The following SLAMF9 variants were observed in gnomAD, a reference collection of about 807,000 sequenced individuals.
SLAMF9 encodes SLAM family member 9.
Under a neutral mutation model 30.4 loss-of-function variants are expected in SLAMF9, and 25 were observed. The observed-to-expected ratio is 0.82, with a 90% CI of 0.60 to 1.15. The LOEUF (loss-of-function observed/expected upper bound fraction) is 1.15. SLAMF9 is among the 50% of genes most tolerant of loss of function. The pLI is 0.00. For synonymous variants in SLAMF9, 129 were observed against 127.2 expected, an observed-to-expected ratio of 1.01 and a Z score of -0.09; for missense variants, 344 against 346.1, an observed-to-expected ratio of 0.99 and a Z score of 0.05.
upstream of SLAMF9, chr1:159,954,291 C>G: frequency 1.5e-6 from 1 of 685,928 alleles, no homozygotes; most frequent in Non-Finnish European, 2.4e-6. Flanking sequence ...CCTCTGACGT[C>G]CTCTGTCCTC....
rs1557943354 is a variant in SLAMF9, at chr1:159,953,628, C to G, written c.72G>C (p.Trp24Cys). 5 of 1,608,670 alleles carry G rather than the reference C, an allele frequency of 3.1e-6. No homozygotes were observed. Among genetic ancestry groups the G allele is most frequent in the Non-Finnish European group, 4.3e-6 (5 of 1,175,924 alleles). ...QEGSQRRLWR[W>C]CGSEEVVAVL... ...CCGCAACCACTTCCTCGGATCCACA[C>G]CATCTCCAGAGTCTCCTTTGGCTGC... The change falls in exon 2 of 4, where the codon TGG (tryptophan) becomes TGC (cysteine). Residue 24 changes from tryptophan to cysteine, a missense_variant. Transcript: ENST00000368093.
chr1:159,972,063 G>T, the SLAMF9 span, among the ~76,000 whole-genome samples: 2 of 152,146 alleles, frequency 1.3e-5, no homozygotes, highest in Admixed American at 1.3e-4. Flanking sequence ...GACAACCCTG[G>T]GGGGAGGGTG....
the SLAMF9 span, among the ~76,000 whole-genome samples, chr1:159,969,064 G>A: frequency 6.6e-6 from 1 of 151,912 alleles, no homozygotes; most frequent in African/African-American, 2.4e-5. Flanking sequence ...AAGAAGAAGA[G>A]GTAGGGAAGA....
At chr1:159,960,333 A>G in the SLAMF9 span, among the ~76,000 whole-genome samples, 1 of 151,648 alleles carries the variant, frequency 6.6e-6, no homozygotes, top group Non-Finnish European at 1.5e-5. Context: ...TGTCCCTACA[A>G]AGGACATAAA....
At chr1:159,973,920 T>C in the SLAMF9 span, 3 of 1,612,538 alleles carry the variant, frequency 1.9e-6, no homozygotes, top group South Asian at 2.2e-5. Flanking sequence ...GGACAGAGTC[T>C]GGTTTTCCTT....
the SLAMF9 span, chr1:159,972,947 T>C: frequency 9.3e-7 from 1 of 1,070,268 alleles, no homozygotes; most frequent in Non-Finnish European, 1.3e-6. Flanking sequence ...GGGGTCCCAC[T>C]GCATGATGCC....
chr1:159,962,446 G>A, the SLAMF9 span, among the ~76,000 whole-genome samples: 1 of 152,126 alleles, frequency 6.6e-6, no homozygotes, highest in Non-Finnish European at 1.5e-5. Flanking sequence ...TTTAAATGCT[G>A]ACGAGCAGAT....
In SLAMF9 at chr1:159,951,831, A is replaced by C; in HGVS notation, c.700T>G (p.Phe234Val). 1 of 1,614,178 alleles carries C rather than the reference A, an allele frequency of 6.2e-7. No homozygotes were observed. The highest frequency in any genetic ancestry group is 8.5e-7 in the Non-Finnish European group (1 of 1,180,018). Residue 234 changes from phenylalanine (F) to valine (V), a missense_variant, in exon 4 of 4, where the codon TTC becomes GTC. Coordinates refer to ENST00000368093, the MANE Select transcript of SLAMF9 (RefSeq NM_033438.4). The part of the protein sequence containing the change: ...NYASEKPSTA[F>V]CLLAKGLLIF... ...AGCAATCCCTTGGCCAGGAGGCAGA[A>C]GGCTGTTGAAGGCTTCTCAGAAGCA...
the SLAMF9 span, among the ~76,000 whole-genome samples, chr1:159,982,165 C>T: frequency 3.9e-5 from 6 of 152,186 alleles, no homozygotes; most frequent in African/African-American, 1.2e-4. Context: ...GATCTTGTCA[C>T]GCTCTGCTTC....
chr1:159,971,546 C>T, the SLAMF9 span, among the ~76,000 whole-genome samples: 1 of 152,012 alleles, frequency 6.6e-6, no homozygotes, highest in East Asian at 1.9e-4. Context: ...GAGCTGGTAC[C>T]CTGGGTTGGA....
the SLAMF9 span, chr1:159,961,298 T>A: frequency 6.6e-6 from 1 of 152,142 alleles, no homozygotes; most frequent in African/African-American, 2.4e-5. Context: ...GGAGGAAAGA[T>A]AATAAAAGGC....
In SLAMF9 at chr1:159,951,762, T is replaced by A. The variant is rs1379913706; in HGVS notation, c.769A>T (p.Ile257Phe). ...ATTTTGTGTCTTTTCTGGACTCGGA[T>A]GACCCAGAGTCCCATGGCCAGAATT... ...LVILAMGLWV[I>F]RVQKRHKMPR... The change falls in exon 4 of 4, where the codon ATC becomes TTC. Residue 257 changes from isoleucine to phenylalanine, a missense_variant. Physicochemically the swap from Ile to Phe is conservative, Grantham distance 21. Coordinates refer to ENST00000368093, the MANE Select transcript of SLAMF9 (RefSeq NM_033438.4). 1 of 1,614,128 alleles carries A rather than the reference T, an allele frequency of 6.2e-7. No individual in the cohort carries two copies. The highest frequency in any genetic ancestry group is 2.2e-5 in the East Asian group (1 of 44,886).
At chr1:159,952,136 A>C (rs950281235) in intron 3 of SLAMF9, 126 bp downstream of exon 3, 17 of 1,134,152 alleles carry the variant, frequency 1.5e-5, no homozygotes, top group Non-Finnish European at 2.0e-5. Context: ...CCAGGTGTCA[A>C]GCCTCCATGG....
chr1:159,969,511 A>G, the SLAMF9 span, among the ~76,000 whole-genome samples: 2 of 152,214 alleles, frequency 1.3e-5, no homozygotes, highest in African/African-American at 4.8e-5. Context: ...TTAAACCCCA[A>G]GGCAATGCCT....
At chr1:159,978,373 A>T in the SLAMF9 span, among the ~76,000 whole-genome samples, 1 of 152,290 alleles carries the variant, frequency 6.6e-6, no homozygotes. Context: ...AGATCTGACG[A>T]GGTGGGTCTC....
At chr1:159,953,763 C>T in intron 1 of SLAMF9, 110 bp from the exon 2 acceptor site, 1 of 944,236 alleles carries the variant, frequency 1.1e-6, no homozygotes, top group Non-Finnish European at 1.6e-6. Context: ...GCTTCTATGA[C>T]TCTCACACTA....
chr1:159,958,019 G>A (rs1651964155), upstream of SLAMF9, among the ~76,000 whole-genome samples: 2 of 152,234 alleles, frequency 1.3e-5, no homozygotes, highest in African/African-American at 2.4e-5. Flanking sequence ...AGTCTCAGCT[G>A]ACTTAGCAGG....
In SLAMF9 at chr1:159,952,540, TGAAGGG is replaced by T. The variant is rs1479041241; in HGVS notation, c.392-12_392-7del. 6.2e-7 allele frequency: 1 copy of T among 1,612,908 alleles called. No homozygotes were observed. Among genetic ancestry groups the T allele is most frequent in the Non-Finnish European group, 8.5e-7 (1 of 1,179,506 alleles). On this transcript the variant is annotated splice_polypyrimidine_tract_variant and splice_region_variant and intron_variant, in intron 2 of 3. Transcript: ENST00000368093. Reference sequence around the variant, plus strand: ...CTGGGGCTCTGACAGCCATCCTGGATGAAGGGGAAACACAAAGACCCTCTAAACAAT... The same window carrying T: ...CTGGGGCTCTGACAGCCATCCTGGATGAAACACAAAGACCCTCTAAACAAT...
chr1:159,965,083 C>T, the SLAMF9 span, among the ~76,000 whole-genome samples: 2 of 152,182 alleles, frequency 1.3e-5, no homozygotes, highest in African/African-American at 4.8e-5. Context: ...ATAAAATTAG[C>T]CATTCATCCT....
Sources: gnomAD v4.1 joint callset for allele counts (sites outside exome capture counted in the v4.1 genomes callset) on GRCh38, gnomAD v4.1.1 for gene constraint, MANE v1.5 for transcripts, NCBI Gene and HGNC (gene_info 2026-07-23, HGNC 2026-07-21) for gene names.